The following RAB3A variants were observed in gnomAD, a reference collection of about 807,000 sequenced individuals.
RAB3A encodes the protein ras-related protein Rab-3A.
Under a neutral mutation model 19.7 loss-of-function variants are expected in RAB3A, and 5 were observed. The ratio of observed to expected loss-of-function variants is 0.25; its 90% confidence interval spans 0.13 to 0.53. RAB3A has a LOEUF of 0.53. Ranked by LOEUF, RAB3A falls within the 20% of genes least tolerant of loss-of-function variation. The probability of loss-of-function intolerance (pLI) is 0.95; values close to 1 mark genes in which losing one functional copy is unlikely to be tolerated. For synonymous variants in RAB3A, 119 were observed against 122.1 expected (o/e 0.97, Z 0.17); for missense variants, 189 against 305.6 (o/e 0.62, Z 2.85).
rs565713404 is a variant in RAB3A at position 18,197,991 on chromosome 19, C to T, written c.473-331G>A. On this transcript the variant is annotated intron_variant, in intron 4 of 4. Transcript: ENST00000222256. ...CCTCCTGGGCTCAAGTGATCCTCCA[C>T]CCCCACCTCTCAAATTGCTGGGATT... 1.5e-4 allele frequency among the ~76,000 whole-genome samples: 23 copies of T among 151,412 alleles called. No individual in the cohort carries two copies. The East Asian group carries it at 3.7e-3, about 24-fold the overall frequency.
rs749352867 is a variant in RAB3A, at chr19:18,197,543, G to A, written c.590C>T (p.Ala197Val). ...MSESLDTADP[A>V]VTGAKQGPQL... The stretch of plus-strand genomic sequence containing the variant: ...TGGGCCCTGCTTGGCGCCTGTGACC[G>A]CAGGGTCCGCCGTGTCCAACGACTC... Residue 197 changes from alanine (A) to valine (V), a missense_variant, in exon 5 of 5, where the codon GCG becomes GTG. Coordinates refer to ENST00000222256, the MANE Select transcript of RAB3A (RefSeq NM_002866.5). 7 of 1,613,480 alleles carry A rather than the reference G, an allele frequency of 4.3e-6. No individual in the cohort carries two copies. The highest frequency in any genetic ancestry group is 4.0e-5 in the African/African-American group (3 of 74,888).
In RAB3A at chr19:18,200,380, G is replaced by T; in HGVS notation, c.294C>A (p.Phe98Leu). 6.2e-7 allele frequency: 1 copy of T among 1,614,158 alleles called. No homozygotes were observed. Among genetic ancestry groups the T allele is most frequent in the Non-Finnish European group, 8.5e-7 (1 of 1,180,002 alleles). The change falls in exon 3 of 5, where the codon TTC becomes TTA. Residue 98 changes from phenylalanine to leucine, a missense_variant. Transcript: ENST00000222256. ...TTAYYRGAMG[F>L]ILMYDITNEE... is the part of the protein sequence containing the mutation. Reference sequence around the variant, plus strand: ...CGTTGGTGATGTCATACATGAGGATGAAGCCCATAGCGCCCCGGTAGTATG... The same window carrying T: ...CGTTGGTGATGTCATACATGAGGATTAAGCCCATAGCGCCCCGGTAGTATG...
chr19:18,202,897 C>A lies in RAB3A; in HGVS notation c.1-157G>T, dbSNP rs1967633531. 9.9e-6 allele frequency: 6 copies of A among 606,420 alleles called. No homozygotes were observed. Among genetic ancestry groups the A allele is most frequent in the Non-Finnish European group, 1.8e-5 (6 of 342,152 alleles). 37.6% of individuals were successfully genotyped at this position (606,420 alleles called of 1,614,324 possible). A position where few individuals can be genotyped will look rare whatever the true frequency, so the allele number is the denominator to read the frequency against. The stretch of plus-strand genomic sequence containing the variant: ...CCCCAGTATTAATTGGTGGTGCCCC[C>A]AGCAGAGGGCAGCCTGTGACCTTGA... On this transcript the variant is annotated intron_variant, in intron 1 of 4. Transcript: ENST00000222256. The surrounding 1 kb of genome is among the most constrained non-coding windows in gnomAD (Gnocchi z 4.2).
Position 18,202,293 on chromosome 19 carries a change from G to T in RAB3A, c.228+220C>A. On this transcript the variant is annotated intron_variant, in intron 2 of 4. Transcript: ENST00000222256. This position sits in a 1 kb window ranked among gnomAD's most constrained non-coding sequence, Gnocchi z 4.2. ...AGATCCAGCTGAAACCTCATACATG[G>T]AAGAACTTGAAGATGGGGAAACTGA... 1.9e-6 allele frequency: 1 copy of T among 525,664 alleles called. No individual in the cohort carries two copies. Among genetic ancestry groups the T allele is most frequent in the Non-Finnish European group, 3.4e-6 (1 of 291,534 alleles). The allele number at this position is 525,664 out of a possible 1,614,324, so 32.6% of individuals were successfully genotyped here. A position where few individuals can be genotyped will look rare whatever the true frequency, so the allele number is the denominator to read the frequency against.
At chr19:18,200,921 T>A (rs539779189) in intron 2 of RAB3A, among the ~76,000 whole-genome samples, 1 of 141,448 alleles carries the variant, frequency 7.1e-6, no homozygotes, top group Admixed American at 7.1e-5. Flanking sequence ...GGTGACAGAG[T>A]GAAACCCTGT....
rs1967531143 is a variant in RAB3A at position 18,196,904 on chromosome 19, G to GT, written c.*565_*566insA. On this transcript the variant is annotated 3_prime_UTR_variant, in exon 5 of 5. Coordinates refer to ENST00000222256, the MANE Select transcript of RAB3A (RefSeq NM_002866.5). ...CATGAGGTCAGAACAGGTCTGGTGG[G>GT]CGGGGGGGGGGGGGGTCCCAGGGTG... 1 of 135,952 alleles carries GT rather than the reference G, an allele frequency of 7.4e-6. No individual in the cohort carries two copies. Among genetic ancestry groups the GT allele is most frequent in the East Asian group, 2.4e-4 (1 of 4,238 alleles). The allele number at this position is 135,952 out of a possible 1,614,324, so 8.4% of individuals were successfully genotyped here.
chr19:18,200,511 C>T, intron 2 of RAB3A, 66 bp from the exon 3 acceptor site: 1 of 1,332,782 alleles, frequency 7.5e-7, no homozygotes, highest in Non-Finnish European at 1.1e-6. Flanking sequence ...GAAATGAGCT[C>T]TGATATCATC....
chr19:18,202,102 A>C lies in RAB3A; in HGVS notation c.228+411T>G, dbSNP rs1231778700. Reference sequence around the variant, plus strand: ...GAAAAAAATCAGCAGGCGTGGTGGTAGAAGCCCGTGGTCCTAGCTACTCAG... The same window carrying C: ...GAAAAAAATCAGCAGGCGTGGTGGTCGAAGCCCGTGGTCCTAGCTACTCAG... On this transcript the variant is annotated intron_variant, in intron 2 of 4. Coordinates refer to ENST00000222256, the MANE Select transcript of RAB3A (RefSeq NM_002866.5). This position sits in a 1 kb window ranked among gnomAD's most constrained non-coding sequence, Gnocchi z 4.2. Among the ~76,000 whole-genome samples, 1 of 152,136 alleles carries C rather than the reference A, an allele frequency of 6.6e-6. No homozygotes were observed. The highest frequency in any genetic ancestry group is 1.5e-5 in the Non-Finnish European group (1 of 68,016).
At chr19:18,201,183 C>T (rs1241248557) in intron 2 of RAB3A, among the ~76,000 whole-genome samples, 2 of 145,680 alleles carry the variant, frequency 1.4e-5, no homozygotes, top group African/African-American at 2.6e-5. Flanking sequence ...TGCAGTGAGC[C>T]GAGATCGCGC....
At chr19:18,203,530 T>C (rs957932017) in intron 1 of RAB3A, among the ~76,000 whole-genome samples, 1 of 152,002 alleles carries the variant, frequency 6.6e-6, no homozygotes, top group African/African-American at 2.4e-5. Context: ...CCCCACGGCG[T>C]CACACGAGCA....
rs1967540578 is a variant in RAB3A at position 18,197,187 on chromosome 19, T to A, written c.*283A>T. On this transcript the variant is annotated 3_prime_UTR_variant, in exon 5 of 5. Transcript: ENST00000222256. ...TTAAAAAAAGGCGGGGGGGGGGGGT[T>A]CAGGAGGGTGAGCGGTGAGTTCACG... 1 of 241,570 alleles carries A rather than the reference T, an allele frequency of 4.1e-6. No homozygotes were observed. Among genetic ancestry groups the A allele is most frequent in the Non-Finnish European group, 6.7e-6 (1 of 149,042 alleles). The allele number at this position is 241,570 out of a possible 1,614,324, so 15.0% of individuals were successfully genotyped here.
intron 2 of RAB3A, among the ~76,000 whole-genome samples, chr19:18,201,882 T>C (rs1375595212): frequency 6.6e-6 from 1 of 152,092 alleles, no homozygotes; most frequent in East Asian, 1.9e-4. Flanking sequence ...GGCGGGAGGA[T>C]TGCTTGAGCC....
At chr19:18,199,368 G>A (rs896669179) in intron 3 of RAB3A, among the ~76,000 whole-genome samples, 1 of 151,646 alleles carries the variant, frequency 6.6e-6, no homozygotes, top group East Asian at 1.9e-4. Flanking sequence ...TGTTGGCCAC[G>A]ATGGACTCGA....
Position 18,197,242 on chromosome 19 carries a change from A to G in RAB3A, c.*228T>C. On this transcript the variant is annotated 3_prime_UTR_variant, in exon 5 of 5. Coordinates refer to ENST00000222256, the MANE Select transcript of RAB3A (RefSeq NM_002866.5). ...CACGAGACACCACAGCTGAGTGGGG[A>G]AAGGGCTATATGTACAGGAGGGGCA... 2.1e-6 allele frequency: 1 copy of G among 480,266 alleles called. No homozygotes were observed. The allele number at this position is 480,266 out of a possible 1,614,324, so 29.8% of individuals were successfully genotyped here. A position where few individuals can be genotyped will look rare whatever the true frequency, so the allele number is the denominator to read the frequency against.
Position 18,202,442 on chromosome 19 carries a change from G to A in RAB3A, c.228+71C>T. 1.5e-6 allele frequency: 2 copies of A among 1,353,336 alleles called. No homozygotes were observed. Among genetic ancestry groups the A allele is most frequent in the East Asian group, 4.6e-5 (2 of 43,432 alleles). 83.8% of individuals were successfully genotyped at this position (1,353,336 alleles called of 1,614,324 possible). Reference sequence around the variant, plus strand: ...GACTCCAGTCAGGAAAGAGATAGACGAGGTTGGGGCTGCTTTTCCAAGTAC... The same window carrying A: ...GACTCCAGTCAGGAAAGAGATAGACAAGGTTGGGGCTGCTTTTCCAAGTAC... On this transcript the variant is annotated intron_variant, in intron 2 of 4. Transcript: ENST00000222256. The surrounding 1 kb of genome is among the most constrained non-coding windows in gnomAD (Gnocchi z 4.2).
chr19:18,199,547 CAG>C (rs1967580481), intron 3 of RAB3A, among the ~76,000 whole-genome samples: 1 of 144,354 alleles, frequency 6.9e-6, no homozygotes, highest in South Asian at 2.2e-4. Flanking sequence ...TTTTTTGAGA[CAG>C]AGTTTTGCTC....
In RAB3A at chr19:18,202,537, G is replaced by C. The variant is rs766558287; in HGVS notation, c.204C>G (p.Asp68Glu). 3 of 1,614,038 alleles carry C rather than the reference G, an allele frequency of 1.9e-6. No homozygotes were observed. In the East Asian group the frequency reaches 6.7e-5, roughly 36 times the overall value. Reference sequence around the variant, plus strand: ...CCCAGATCTGCAGCTTGATCCTCTTGTCGTTGCGATAGATGGTCTTGACCT... The same window carrying C: ...CCCAGATCTGCAGCTTGATCCTCTTCTCGTTGCGATAGATGGTCTTGACCT... ...DFKVKTIYRN[D>E]KRIKLQIWDT... The change falls in exon 2 of 5, where the codon GAC becomes GAG. Residue 68 changes from aspartate to glutamate, a missense_variant. Physicochemically the swap from Asp to Glu is conservative, Grantham distance 45. Coordinates refer to ENST00000222256, the MANE Select transcript of RAB3A (RefSeq NM_002866.5). The surrounding 1 kb of genome is among the most constrained non-coding windows in gnomAD (Gnocchi z 4.2).
chr19:18,203,002 C>T (rs4808119), intron 1 of RAB3A: 157,224 of 448,352 alleles, frequency 0.35, 29,641 homozygotes, highest in East Asian at 0.59. Context: ...GGGCAGGTGC[C>T]CCAGGTGGGG....
At chr19:18,198,674 T>C in intron 4 of RAB3A, 51 bp downstream of exon 4, 2 of 1,608,896 alleles carry the variant, frequency 1.2e-6, no homozygotes, top group Non-Finnish European at 1.7e-6. Flanking sequence ...CTCCCCTCTC[T>C]TAGTGTCCTT....
Sources: allele counts gnomAD v4.1 joint callset (sites outside exome capture counted in the v4.1 genomes callset), GRCh38; gene constraint gnomAD v4.1.1; non-coding constraint Gnocchi (gnomAD v3.1); transcripts MANE v1.5; gene names NCBI Gene and HGNC (gene_info 2026-07-23, HGNC 2026-07-21).